Variants in TIAM2 observed in about 807,000 individuals in gnomAD.
The protein encoded by TIAM2 is TIAM Rac1 associated GEF 2, also known as rho guanine nucleotide exchange factor TIAM2.
Under a neutral mutation model 152.9 loss-of-function variants are expected in TIAM2, and 80 were observed. The ratio of observed to expected loss-of-function variants is 0.52; its 90% confidence interval spans 0.44 to 0.63. The LOEUF (loss-of-function observed/expected upper bound fraction) is 0.63, where lower values mean the gene tolerates loss of function less well. Ranked by LOEUF, TIAM2 falls within the 30% of genes least tolerant of loss-of-function variation. The pLI, the probability that TIAM2 is intolerant of heterozygous loss-of-function variation, is 0.00. For missense variants in TIAM2, 1,965 were observed against 2,120.1 expected (o/e 0.93, Z 1.44); for synonymous variants, 804 against 838.0 (o/e 0.96, Z 0.70).
intron 1 of TIAM2, among the ~76,000 whole-genome samples, chr6:155,058,449 CT>C (rs1272278312): frequency 6.6e-6 from 1 of 152,114 alleles, no homozygotes; most frequent in Non-Finnish European, 1.5e-5. Flanking sequence ...TTGGCAAACA[CT>C]TTTTGAGTCC....
At chr6:155,010,954 GA>G (rs1164003128) in intron 1 of TIAM2, among the ~76,000 whole-genome samples, 1 of 151,746 alleles carries the variant, frequency 6.6e-6, no homozygotes, top group African/African-American at 2.4e-5. Context: ...TGAGGCAGGA[GA>G]ATCGCTTGAA....
intron 7 of TIAM2, among the ~76,000 whole-genome samples, chr6:155,163,375 A>T (rs549457711): frequency 6.6e-6 from 1 of 152,314 alleles, no homozygotes; most frequent in East Asian, 1.9e-4. Flanking sequence ...CCTATTATTA[A>T]TAACTTATCT....
intron 20 of TIAM2, among the ~76,000 whole-genome samples, chr6:155,249,451 G>A (rs1314867416): frequency 1.3e-5 from 2 of 152,164 alleles, no homozygotes; most frequent in Non-Finnish European, 2.9e-5. Context: ...CTGGAACTCT[G>A]GCAGAATATC....
intron 9 of TIAM2, 112 bp downstream of exon 9, chr6:155,165,521 G>A (rs1305104073): frequency 4.9e-6 from 7 of 1,423,848 alleles, no homozygotes; most frequent in Non-Finnish European, 6.6e-6. Context: ...GAAATGAGGC[G>A]AGGTGGGGTG....
Position 155,069,829 on chromosome 6 carries a change from T to C in TIAM2, c.-208-20460T>C, listed in dbSNP as rs138639837. 3.3e-5 allele frequency among the ~76,000 whole-genome samples: 5 copies of C among 152,280 alleles called. No homozygotes were observed. The East Asian group carries it at 9.6e-4, about 29-fold the overall frequency. ...ATATTGAAGAAATAAGTTGTCATGC[T>C]GTTCTCTAACTGTGCCATGAGTTCT... On this transcript the variant is annotated intron_variant, in intron 1 of 26. Coordinates refer to ENST00000682666, the MANE Select transcript of TIAM2 (RefSeq NM_012454.4).
chr6:155,130,825 A>G (rs1245762615), intron 4 of TIAM2, among the ~76,000 whole-genome samples: 1 of 152,158 alleles, frequency 6.6e-6, no homozygotes, highest in Non-Finnish European at 1.5e-5. Context: ...TGCGGCAGAG[A>G]GAGCAGGAGG....
chr6:155,142,662 A>T (rs1375464570), intron 5 of TIAM2, among the ~76,000 whole-genome samples: 1 of 152,238 alleles, frequency 6.6e-6, no homozygotes, highest in Non-Finnish European at 1.5e-5. Flanking sequence ...AGTGGCTGGA[A>T]AAAGATACTG....
At chr6:154,998,262 C>T (rs1357838395) in intron 1 of TIAM2, among the ~76,000 whole-genome samples, 8 of 152,154 alleles carry the variant, frequency 5.3e-5, no homozygotes, top group Admixed American at 5.2e-4. Context: ...CCCTAAAGAG[C>T]TTTGCTCGCA....
chr6:155,115,711 A>G (rs114163739), intron 2 of TIAM2, among the ~76,000 whole-genome samples: 190 of 152,262 alleles, frequency 1.2e-3, no homozygotes, highest in African/African-American at 4.2e-3. Flanking sequence ...TTTGATTCCT[A>G]CCTTTGCCTC....
intron 1 of TIAM2, among the ~76,000 whole-genome samples, chr6:155,001,623 C>T (rs935822139): frequency 4.6e-5 from 7 of 152,222 alleles, no homozygotes; most frequent in African/African-American, 1.2e-4. Context: ...GGCATTCCAT[C>T]GAGCTGGAAA....
chr6:155,243,876 A>G (rs1783180196), intron 16 of TIAM2, 135 bp from the exon 17 acceptor site: 4 of 356,802 alleles, frequency 1.1e-5, no homozygotes, highest in Non-Finnish European at 2.0e-5. Flanking sequence ...AAAAAAAAAA[A>G]AGAATTTCAA....
At chr6:155,164,728 AC>A in intron 8 of TIAM2, 128 bp downstream of exon 8, 1 of 1,152,908 alleles carries the variant, frequency 8.7e-7, no homozygotes, top group Non-Finnish European at 1.2e-6. Context: ...AGGCCAGGTC[AC>A]CCAGAGGCCA....
At chr6:155,200,717 A>G (rs924722400) in intron 14 of TIAM2, among the ~76,000 whole-genome samples, 1 of 152,110 alleles carries the variant, frequency 6.6e-6, no homozygotes, top group Non-Finnish European at 1.5e-5. Context: ...ATCCTGGCCA[A>G]TGTGGTGAAA....
intron 1 of TIAM2, among the ~76,000 whole-genome samples, chr6:155,053,430 T>C (rs776984502): frequency 1.3e-5 from 2 of 150,082 alleles, no homozygotes; most frequent in East Asian, 3.9e-4. Flanking sequence ...CTTGGGATTA[T>C]AGGCGTGAGC....
At chr6:155,032,361 G>A (rs1776841311) in intron 1 of TIAM2, among the ~76,000 whole-genome samples, 1 of 152,184 alleles carries the variant, frequency 6.6e-6, no homozygotes, top group South Asian at 2.1e-4. Flanking sequence ...GCATGAAGAT[G>A]CTGATAGCAA....
At chr6:155,124,627 A>T (rs945068666) in intron 2 of TIAM2, among the ~76,000 whole-genome samples, 4 of 152,228 alleles carry the variant, frequency 2.6e-5, no homozygotes, top group African/African-American at 9.6e-5. Context: ...CACCACACCC[A>T]GCTGGTTTTG....
chr6:155,192,669 T>A (rs560657384), intron 14 of TIAM2, among the ~76,000 whole-genome samples: 2 of 152,326 alleles, frequency 1.3e-5, no homozygotes, highest in South Asian at 4.1e-4. Flanking sequence ...TGAGTAGCCT[T>A]ATTTTACATT....
intron 1 of TIAM2, among the ~76,000 whole-genome samples, chr6:155,040,034 C>A (rs1286323002): frequency 6.6e-6 from 1 of 152,160 alleles, no homozygotes; most frequent in Non-Finnish European, 1.5e-5. Context: ...GACCCTTGAC[C>A]AAAACCAATT....
chr6:155,254,721 T>C (rs1469668812), intron 26 of TIAM2, 148 bp downstream of exon 26: 12 of 1,012,392 alleles, frequency 1.2e-5, no homozygotes, highest in African/African-American at 3.2e-5. Context: ...AACATGCCTC[T>C]TGCTCCCAGA....
Sources: allele counts gnomAD v4.1 joint callset (sites outside exome capture counted in the v4.1 genomes callset), GRCh38; gene constraint gnomAD v4.1.1; transcripts MANE v1.5; gene names NCBI Gene and HGNC (gene_info 2026-07-23, HGNC 2026-07-21).